The following PAPPA2 variants were observed in gnomAD, a reference collection of about 807,000 sequenced individuals.
PAPPA2 encodes pappalysin-2.
In PAPPA2, 86 loss-of-function variants were observed where a neutral mutation model predicts 176.4. The ratio of observed to expected loss-of-function variants is 0.49; its 90% CI spans 0.41 to 0.58. The LOEUF is 0.58. Among genes scored for constraint, PAPPA2 ranks in the 20% least tolerant of loss-of-function variants. PAPPA2 has a pLI of 0.00. For missense variants in PAPPA2, 2,073 were observed against 2,256.9 expected, an observed-to-expected ratio of 0.92 and a Z score of 1.65; for synonymous variants, 809 against 852.2, an observed-to-expected ratio of 0.95 and a Z score of 0.88.
chr1:176,616,893 G>A, intron 3 of PAPPA2: 1 of 428,278 alleles, frequency 2.3e-6, no homozygotes, highest in Non-Finnish European at 4.3e-6. Context: ...TACTCCACTT[G>A]AAATTCTCAG....
chr1:176,698,076 C>A (rs1209004766), intron 7 of PAPPA2, among the ~76,000 whole-genome samples: 1 of 152,014 alleles, frequency 6.6e-6, no homozygotes, highest in Non-Finnish European at 1.5e-5. Context: ...CCTGCAGCTA[C>A]CTCCCTACTC....
Position 176,766,640 on chromosome 1 carries a change from G to A in PAPPA2, c.4323+803G>A, listed in dbSNP as rs777824715. Among the ~76,000 whole-genome samples, 50 of 152,136 alleles carry A rather than the reference G, an allele frequency of 3.3e-4. 1 individual carries two copies. Among genetic ancestry groups the A allele is most frequent in the Non-Finnish European group, 5.6e-4 (38 of 68,020 alleles). ...ATGATAGGTACATAGCACTCTATTTGTTAAATTGTCAGTATTATGAGCATG... is the reference window on the plus strand; with the variant it reads ...ATGATAGGTACATAGCACTCTATTTATTAAATTGTCAGTATTATGAGCATG... On this transcript the variant is annotated intron_variant, in intron 15 of 22. Transcript: ENST00000367662.
chr1:176,518,921 A>G (rs1020990198), intron 1 of PAPPA2, among the ~76,000 whole-genome samples: 6 of 152,218 alleles, frequency 3.9e-5, no homozygotes, highest in African/African-American at 1.2e-4. Context: ...TACTACTGCT[A>G]TATCAGAATG....
intron 3 of PAPPA2, among the ~76,000 whole-genome samples, chr1:176,615,682 A>T (rs1347831944): frequency 1.3e-5 from 2 of 152,140 alleles, no homozygotes; most frequent in Non-Finnish European, 2.9e-5. Context: ...TGAAATAATC[A>T]CTGTAAGGCT....
intron 12 of PAPPA2, among the ~76,000 whole-genome samples, chr1:176,725,427 T>C (rs1661819300): frequency 6.6e-6 from 1 of 152,164 alleles, no homozygotes; most frequent in Non-Finnish European, 1.5e-5. Context: ...TAGTAAACAA[T>C]GCCTCATATG....
At chr1:176,584,326 G>C (rs1235174709) in intron 2 of PAPPA2, among the ~76,000 whole-genome samples, 2 of 151,668 alleles carry the variant, frequency 1.3e-5, no homozygotes, top group Non-Finnish European at 2.9e-5. Flanking sequence ...CTCTTGTATT[G>C]GGTGCATATA....
chr1:176,760,378 A>G (rs953253517), intron 14 of PAPPA2, among the ~76,000 whole-genome samples: 1 of 152,204 alleles, frequency 6.6e-6, no homozygotes, highest in African/African-American at 2.4e-5. Flanking sequence ...GTCTTGGCCT[A>G]TAGAATTTAT....
intron 3 of PAPPA2, among the ~76,000 whole-genome samples, chr1:176,615,313 GT>G (rs1250258026): frequency 6.6e-6 from 1 of 152,022 alleles, no homozygotes; most frequent in Non-Finnish European, 1.5e-5. Flanking sequence ...TGGAGGTTTT[GT>G]TTTGTTTTGT....
At chr1:176,745,659 C>A (rs1662872152) in intron 14 of PAPPA2, among the ~76,000 whole-genome samples, 1 of 152,122 alleles carries the variant, frequency 6.6e-6, no homozygotes. Flanking sequence ...ATAAAGGGAG[C>A]AACCATTACT....
chr1:176,691,163 C>T, intron 5 of PAPPA2: 1 of 983,904 alleles, frequency 1.0e-6, no homozygotes, highest in Non-Finnish European at 1.2e-6. Context: ...CTATAATGGA[C>T]TCAAAGTTAT....
intron 21 of PAPPA2, among the ~76,000 whole-genome samples, chr1:176,823,798 A>G (rs889844008): frequency 6.6e-5 from 10 of 152,168 alleles, no homozygotes; most frequent in Non-Finnish European, 1.3e-4. Context: ...AGGCAGAACA[A>G]TCTGAGGGAC....
intron 6 of PAPPA2, among the ~76,000 whole-genome samples, chr1:176,694,389 C>A (rs1332595277): frequency 6.6e-6 from 1 of 152,156 alleles, no homozygotes; most frequent in Non-Finnish European, 1.5e-5. Flanking sequence ...CCTCTCTGAG[C>A]CTGAGTTTTC....
intron 1 of PAPPA2, among the ~76,000 whole-genome samples, chr1:176,548,981 A>G (rs536275261): frequency 6.6e-6 from 1 of 152,296 alleles, no homozygotes; most frequent in African/African-American, 2.4e-5. Flanking sequence ...CAATTAGTAT[A>G]TATGAAGTGG....
At chr1:176,609,784 G>A (rs1476190611) in intron 3 of PAPPA2, among the ~76,000 whole-genome samples, 1 of 152,198 alleles carries the variant, frequency 6.6e-6, no homozygotes, top group East Asian at 1.9e-4. Context: ...TAACTGCCCT[G>A]ACTACCTCAG....
At chr1:176,502,837 A>G (rs535361654) in intron 1 of PAPPA2, among the ~76,000 whole-genome samples, 4 of 152,300 alleles carry the variant, frequency 2.6e-5, no homozygotes, top group South Asian at 4.1e-4. Context: ...AAAGGGGTAC[A>G]ACATGATTAG....
intron 1 of PAPPA2, among the ~76,000 whole-genome samples, chr1:176,497,589 T>G (rs1213464512): frequency 6.6e-6 from 1 of 152,140 alleles, no homozygotes; most frequent in South Asian, 2.1e-4. Flanking sequence ...TTGAAGAAAT[T>G]GAGAGTTTTC....
intron 4 of PAPPA2, among the ~76,000 whole-genome samples, chr1:176,689,882 T>A (rs951848790): frequency 1.3e-5 from 2 of 152,228 alleles, no homozygotes; most frequent in Non-Finnish European, 2.9e-5. Flanking sequence ...ATTCTGGCTC[T>A]CTATTATGTC....
intron 1 of PAPPA2, among the ~76,000 whole-genome samples, chr1:176,510,651 G>A (rs1161678112): frequency 4.0e-5 from 6 of 151,464 alleles, no homozygotes; most frequent in Admixed American, 1.3e-4. Context: ...AGCAAAAACG[G>A]CAGTCGTTTT....
chr1:176,469,437 A>G (rs561228149), intron 1 of PAPPA2, among the ~76,000 whole-genome samples: 1 of 152,238 alleles, frequency 6.6e-6, no homozygotes, highest in South Asian at 2.1e-4. Flanking sequence ...GTACCCCACC[A>G]ACATGCCTGT....
Sources: gnomAD v4.1 joint callset for allele counts (sites outside exome capture counted in the v4.1 genomes callset) on GRCh38, gnomAD v4.1.1 for gene constraint, MANE v1.5 for transcripts, NCBI Gene and HGNC (gene_info 2026-07-23, HGNC 2026-07-21) for gene names.